Variants in FTO observed in about 807,000 individuals in gnomAD.
FTO encodes the protein FTO alpha-ketoglutarate dependent dioxygenase.
A neutral mutation model predicts 63.9 loss-of-function variants in FTO; 47 were observed. That is an observed-to-expected ratio of 0.74 (90% CI 0.58 to 0.94). The LOEUF (loss-of-function observed/expected upper bound fraction) is 0.94. Ranked by LOEUF, FTO falls within the 40% of genes least tolerant of loss-of-function variation. FTO has a pLI of 0.00. For missense variants in FTO, 562 were observed against 618.1 expected (o/e 0.91, Z 0.96); for synonymous variants, 207 against 224.4 (o/e 0.92, Z 0.69).
In FTO at chr16:54,104,659, G is replaced by A. The variant is rs763656874; in HGVS notation, c.1365-7103G>A. Among the ~76,000 whole-genome samples, 14 of 152,220 alleles carry A rather than the reference G, an allele frequency of 9.2e-5. No individual in the cohort carries two copies. In the South Asian group the frequency reaches 1.5e-3, roughly 16 times the overall value. On this transcript the variant is annotated intron_variant, in intron 8 of 8. Coordinates refer to ENST00000471389, the MANE Select transcript of FTO (RefSeq NM_001080432.3). ...ATTGGCTTATGCTATTGCACATTAG[G>A]AGAATGCATTATCATGTAGCTGATG...
At chr16:53,918,459 C>T (rs143794487) in intron 7 of FTO, among the ~76,000 whole-genome samples, 117 of 152,310 alleles carry the variant, frequency 7.7e-4, no homozygotes, top group Non-Finnish European at 1.4e-3. Context: ...TATGAGACCA[C>T]TGTCATATAT....
intron 8 of FTO, among the ~76,000 whole-genome samples, chr16:53,950,071 C>CG (rs1161372288): frequency 1.2e-5 from 1 of 82,034 alleles, no homozygotes; most frequent in Non-Finnish European, 2.4e-5. Context: ...TTTATTTAAA[C>CG]ATTTTTTTTT....
chr16:53,745,719 C>G (rs2076634297), intron 1 of FTO, among the ~76,000 whole-genome samples: 1 of 152,166 alleles, frequency 6.6e-6, no homozygotes, highest in African/African-American at 2.4e-5. Context: ...CAGGTATGCA[C>G]TTAAATGCAT....
chr16:54,086,698 T>C (rs2086260606), intron 8 of FTO, among the ~76,000 whole-genome samples: 1 of 152,208 alleles, frequency 6.6e-6, no homozygotes, highest in African/African-American at 2.4e-5. Context: ...CAAATATTCA[T>C]AAAGGCAGGA....
intron 1 of FTO, among the ~76,000 whole-genome samples, chr16:53,755,164 A>C (rs2076892677): frequency 6.6e-6 from 1 of 152,244 alleles, no homozygotes; most frequent in Non-Finnish European, 1.5e-5. Flanking sequence ...ACTGGCTTCC[A>C]CATTATTCTT....
At chr16:53,876,138 T>C (rs532779399) in intron 5 of FTO, among the ~76,000 whole-genome samples, 2 of 152,232 alleles carry the variant, frequency 1.3e-5, no homozygotes, top group Non-Finnish European at 2.9e-5. Flanking sequence ...CCTAAAGGTA[T>C]ACAGTTAAAG....
chr16:53,948,733 A>C (rs927384495), intron 8 of FTO, among the ~76,000 whole-genome samples: 3 of 152,248 alleles, frequency 2.0e-5, no homozygotes, highest in Admixed American at 1.3e-4. Flanking sequence ...TGTAACTGTT[A>C]GGCTAATCAA....
At chr16:53,911,356 A>C (rs1247745633) in intron 7 of FTO, 1 of 702,988 alleles carries the variant, frequency 1.4e-6, no homozygotes, top group East Asian at 2.7e-5. Flanking sequence ...AGAGGTGAGA[A>C]GAGGACCAGG....
intron 8 of FTO, among the ~76,000 whole-genome samples, chr16:54,036,735 A>G (rs1318224161): frequency 6.6e-6 from 1 of 152,172 alleles, no homozygotes; most frequent in Non-Finnish European, 1.5e-5. Context: ...TCTTCCATAA[A>G]TGGAGGCAAT....
In FTO at chr16:54,120,169, CTG is replaced by C. The variant is rs1303775932; in HGVS notation, c.*8256_*8257del. On this transcript the variant is annotated 3_prime_UTR_variant, in exon 9 of 9. Transcript: ENST00000471389. ...TTGACAGCCTTGGGCCAGCAAAACT[CTG>C]TACCCAGCAGAAAACAATAGATGTG... The C allele has an allele frequency of 3.3e-5, 5 of 152,358 alleles. No homozygotes were observed. The highest frequency in any genetic ancestry group is 3.3e-4 in the Admixed American group (5 of 15,302). The allele number at this position is 152,358 out of a possible 1,614,324, so 9.4% of individuals were successfully genotyped here. A position where few individuals can be genotyped will look rare whatever the true frequency, so the allele number is the denominator to read the frequency against.
intron 8 of FTO, among the ~76,000 whole-genome samples, chr16:53,987,596 AAG>A (rs796716917): frequency 0.12 from 16,866 of 137,538 alleles, 1,731 homozygotes; most frequent in African/African-American, 0.3. Context: ...AAAAAAAAAA[AAG>A]AAAAGAAAAG....
chr16:54,033,877 T>C (rs765254435), intron 8 of FTO: 2 of 152,160 alleles, frequency 1.3e-5, no homozygotes, highest in African/African-American at 2.4e-5. Flanking sequence ...AGTTCCACAT[T>C]GATCAGAACT....
intron 4 of FTO, among the ~76,000 whole-genome samples, chr16:53,863,305 G>A (rs1031421392): frequency 1.3e-5 from 2 of 152,156 alleles, no homozygotes; most frequent in African/African-American, 4.8e-5. Context: ...ATTACTCCTT[G>A]CCTCTTTATC....
At chr16:54,061,363 C>T (rs758093404) in intron 8 of FTO, among the ~76,000 whole-genome samples, 5 of 152,184 alleles carry the variant, frequency 3.3e-5, no homozygotes, top group African/African-American at 4.8e-5. Context: ...TCTTGGCTTT[C>T]GCAGCCTATT....
intron 4 of FTO, among the ~76,000 whole-genome samples, chr16:53,857,167 A>T (rs549858538): frequency 6.6e-6 from 1 of 152,164 alleles, no homozygotes; most frequent in Admixed American, 6.5e-5. Context: ...TTTAGTATAC[A>T]GATTATTTCA....
Position 53,821,063 on chromosome 16 carries a change from T to C in FTO, c.124-4801T>C, listed in dbSNP as rs575775944. On this transcript the variant is annotated intron_variant, in intron 2 of 8. Transcript: ENST00000471389. The stretch of plus-strand genomic sequence containing the variant: ...TATATGTTTTTCCTGGTCTATAGGG[T>C]TATAATTTCCCCATATTAAATATAT... 5.9e-5 allele frequency among the ~76,000 whole-genome samples: 9 copies of C among 152,256 alleles called. 1 individual carries two copies. In the South Asian group the frequency reaches 1.9e-3, roughly 32 times the overall value.
chr16:53,815,258 C>G (rs144504327), intron 2 of FTO, among the ~76,000 whole-genome samples: 250 of 152,282 alleles, frequency 1.6e-3, no homozygotes, highest in Middle Eastern at 6.8e-3. Flanking sequence ...CAAGGCTCTT[C>G]CCATTCAGCC....
chr16:54,040,273 G>C (rs1201931810), intron 8 of FTO: 2 of 151,998 alleles, frequency 1.3e-5, no homozygotes, highest in African/African-American at 4.8e-5. Flanking sequence ...TCCAAAAAAA[G>C]GTTTATCAGT....
chr16:53,955,009 A>G (rs927200709), intron 8 of FTO, among the ~76,000 whole-genome samples: 6 of 152,100 alleles, frequency 3.9e-5, no homozygotes, highest in Admixed American at 6.6e-5. Context: ...CCAAGTTACC[A>G]CCGTCTCTAA....
Sources: gnomAD v4.1 joint callset for allele counts (sites outside exome capture counted in the v4.1 genomes callset) on GRCh38, gnomAD v4.1.1 for gene constraint, MANE v1.5 for transcripts, NCBI Gene and HGNC (gene_info 2026-07-23, HGNC 2026-07-21) for gene names.